Variants in CDK13 observed in about 807,000 individuals in gnomAD.
CDK13 encodes the protein cyclin dependent kinase 13, also known as cyclin-dependent kinase 13.
CDK13 carries 40 observed loss-of-function variants against 137.6 expected under a neutral mutation model. The ratio of observed to expected loss-of-function variants is 0.29; its 90% CI spans 0.23 to 0.38. The LOEUF is 0.38. Ranked by LOEUF, CDK13 falls within the 10% of genes least tolerant of loss-of-function variation. The pLI, the probability that CDK13 is intolerant of heterozygous loss-of-function variation, is 1.00. For missense variants in CDK13, 1,704 were observed against 1,951.8 expected (o/e 0.87, Z 2.39); for synonymous variants, 869 against 760.1 (o/e 1.14, Z -2.36).
intron 1 of CDK13, among the ~76,000 whole-genome samples, chr7:39,956,113 AAAT>A (rs1731982320): frequency 6.6e-6 from 1 of 152,234 alleles, no homozygotes; most frequent in South Asian, 2.1e-4. Flanking sequence ...AAAACTCAAA[AAAT>A]ATGCCACTGA....
chr7:39,987,979 C>A lies in CDK13; in HGVS notation c.1592C>A (p.Thr531Asn). The A allele has an allele frequency of 6.2e-7, 1 of 1,614,008 alleles. No homozygotes were observed. Among genetic ancestry groups the A allele is most frequent in the South Asian group, 1.1e-5 (1 of 91,058 alleles). Residue 531 changes from threonine (T) to asparagine (N), a missense_variant, in exon 2 of 14, where the codon ACT (threonine) becomes AAT (asparagine). Coordinates refer to ENST00000181839, the MANE Select transcript of CDK13 (RefSeq NM_003718.5). Reference protein sequence around the residue: ...EHAPSPSSGGTLKNDKAKTKP... With the variant: ...EHAPSPSSGGNLKNDKAKTKP... ...GCACCTTCTCCCTCAAGTGGTGGAA[C>A]TTTAAAAAATGACAAAGCAAAAACA...
intron 1 of CDK13, among the ~76,000 whole-genome samples, chr7:39,969,113 G>A (rs574097297): frequency 1.3e-3 from 194 of 152,122 alleles, no homozygotes; most frequent in African/African-American, 4.6e-3. Flanking sequence ...AGGTTCAAGC[G>A]ATTCCCCTGT....
Position 39,950,442 on chromosome 7 carries a change from C to T in CDK13, c.-200C>T. 8.1e-7 allele frequency: 1 copy of T among 1,235,660 alleles called. No homozygotes were observed. The highest frequency in any genetic ancestry group is 1.0e-6 in the Non-Finnish European group (1 of 990,192). 76.5% of individuals were successfully genotyped at this position (1,235,660 alleles called of 1,614,324 possible). A position where few individuals can be genotyped will look rare whatever the true frequency, so the allele number is the denominator to read the frequency against. ...GCCCGGATTCCTGCTTCCCTGGGGC[C>T]CGGAGGCTGCTGCGTACCCCACTGT... On this transcript the variant is annotated 5_prime_UTR_variant, in exon 1 of 14. Coordinates refer to ENST00000181839, the MANE Select transcript of CDK13 (RefSeq NM_003718.5).
At chr7:40,090,031 G>A (rs1417341536) in intron 12 of CDK13, among the ~76,000 whole-genome samples, 1 of 152,126 alleles carries the variant, frequency 6.6e-6, no homozygotes, top group Admixed American at 6.6e-5. Flanking sequence ...TTGTTCAAAA[G>A]TATTCTTTCT....
At chr7:40,047,487 A>G (rs1785773407) in intron 6 of CDK13, among the ~76,000 whole-genome samples, 2 of 152,122 alleles carry the variant, frequency 1.3e-5, no homozygotes, top group Admixed American at 6.6e-5. Flanking sequence ...CTAAGTAATA[A>G]AAAGGATCTC....
In CDK13 at chr7:40,083,824, C is replaced by T. The variant is rs149753853; in HGVS notation, c.3030-4302C>T. Among the ~76,000 whole-genome samples, 1,007 of 152,142 alleles carry T rather than the reference C, an allele frequency of 6.6e-3. 11 individuals carry two copies. Among genetic ancestry groups the T allele is most frequent in the African/African-American group, 0.023 (937 of 41,530 alleles). ...ACTAAAGCAATCAAGTAAAGAGTAT[C>T]AGATTGATCCAATATTTAAATAAAA... is the stretch of plus-strand genomic sequence containing the variant. On this transcript the variant is annotated intron_variant, in intron 11 of 13. Coordinates refer to ENST00000181839, the MANE Select transcript of CDK13 (RefSeq NM_003718.5).
chr7:40,060,379 T>C (rs911986993), intron 7 of CDK13, among the ~76,000 whole-genome samples: 3 of 152,224 alleles, frequency 2.0e-5, no homozygotes, highest in Non-Finnish European at 4.4e-5. Context: ...CCAGTTGCAC[T>C]TTTATAACAC....
At chr7:40,035,974 G>T (rs1408325078) in intron 5 of CDK13, among the ~76,000 whole-genome samples, 3 of 151,758 alleles carry the variant, frequency 2.0e-5, no homozygotes, top group African/African-American at 7.3e-5. Flanking sequence ...ACCAGCCTGG[G>T]TGATATAGTA....
chr7:39,977,028 G>A (rs1216290880), intron 1 of CDK13, among the ~76,000 whole-genome samples: 1 of 152,126 alleles, frequency 6.6e-6, no homozygotes, highest in Non-Finnish European at 1.5e-5. Context: ...TCATAAGAAG[G>A]GTGCAGATAA....
At position 39,976,323 on chromosome 7, in the gene CDK13, T is replaced by TCTCA; in HGVS notation, c.1212-11275_1212-11274insTCAC. ...CTCTCTCTCTCTCTCTCTCTCTCTC[T>TCTCA]CACACACACACACACACACACACAC... On this transcript the variant is annotated intron_variant, in intron 1 of 13. Transcript: ENST00000181839. Among the ~76,000 whole-genome samples the TCTCA allele has an allele frequency of 9.4e-3, 370 of 39,558 alleles. 4 individuals are homozygous for TCTCA. The highest frequency in any genetic ancestry group is 0.024 in the African/African-American group (356 of 14,590). 26.0% of individuals were successfully genotyped at this position (39,558 alleles called of 152,430 possible).
rs576653202 is a variant in CDK13, at chr7:40,021,299, C to A, written c.2353+19268C>A. On this transcript the variant is annotated intron_variant, in intron 5 of 13. Transcript: ENST00000181839. The stretch of plus-strand genomic sequence containing the variant: ...ATCACTTGAGGTCAGGAGTTTGAGA[C>A]CAGCCTGACCAACATGGTGAAACCC... Among the ~76,000 whole-genome samples, 6 of 152,096 alleles carry A rather than the reference C, an allele frequency of 3.9e-5. No homozygotes were observed. In the East Asian group the frequency reaches 1.2e-3, roughly 29 times the overall value.
chr7:39,981,405 T>G (rs916435105), intron 1 of CDK13, among the ~76,000 whole-genome samples: 6 of 151,894 alleles, frequency 4.0e-5, no homozygotes, highest in African/African-American at 1.5e-4. Context: ...AACAAGGAGG[T>G]TGGACCTGCT....
intron 2 of CDK13, among the ~76,000 whole-genome samples, chr7:39,988,939 C>T (rs1422344984): frequency 6.6e-6 from 1 of 151,652 alleles, no homozygotes; most frequent in African/African-American, 2.4e-5. Context: ...AAAAACTTAG[C>T]TGGGCGCAGT....
intron 7 of CDK13, among the ~76,000 whole-genome samples, chr7:40,059,704 G>C (rs1217503993): frequency 6.6e-6 from 1 of 152,174 alleles, no homozygotes; most frequent in Non-Finnish European, 1.5e-5. Flanking sequence ...TCAATGAACA[G>C]ATAGTCTTTG....
chr7:39,961,667 G>A (rs1783732837), intron 1 of CDK13, among the ~76,000 whole-genome samples: 2 of 151,144 alleles, frequency 1.3e-5, no homozygotes, highest in South Asian at 4.2e-4. Context: ...TTAAGTTTTA[G>A]GGTACATGTG....
At chr7:39,967,974 C>T (rs1783909173) in intron 1 of CDK13, among the ~76,000 whole-genome samples, 1 of 152,138 alleles carries the variant, frequency 6.6e-6, no homozygotes, top group Non-Finnish European at 1.5e-5. Flanking sequence ...CTTCCCACCT[C>T]ACCCACTTCA....
At chr7:40,015,389 T>C (rs1784982704) in intron 5 of CDK13, among the ~76,000 whole-genome samples, 1 of 152,168 alleles carries the variant, frequency 6.6e-6, no homozygotes, top group Non-Finnish European at 1.5e-5. Context: ...GAACAGGTGG[T>C]ATAAGGTAAT....
chr7:40,023,183 C>T (rs889005443), intron 5 of CDK13, among the ~76,000 whole-genome samples: 1 of 151,428 alleles, frequency 6.6e-6, no homozygotes, highest in African/African-American at 2.4e-5. Context: ...ACCTCTGCCT[C>T]CCAGGTTCAA....
chr7:40,025,190 C>T (rs943494265), intron 5 of CDK13, among the ~76,000 whole-genome samples: 2 of 151,998 alleles, frequency 1.3e-5, no homozygotes, highest in Non-Finnish European at 2.9e-5. Flanking sequence ...CAGGTTTTAT[C>T]TTTTGGGATA....
Sources: allele counts gnomAD v4.1 joint callset (sites outside exome capture counted in the v4.1 genomes callset), GRCh38; gene constraint gnomAD v4.1.1; transcripts MANE v1.5; gene names NCBI Gene and HGNC (gene_info 2026-07-23, HGNC 2026-07-21).